The following QSER1 variants were observed in gnomAD, a reference collection of about 807,000 sequenced individuals.
QSER1 encodes glutamine and serine-rich protein 1.
In QSER1, 49 loss-of-function variants were observed where a neutral mutation model predicts 158.5. The ratio of observed to expected loss-of-function variants is 0.31; its 90% CI spans 0.25 to 0.39. The LOEUF (loss-of-function observed/expected upper bound fraction) is 0.39. QSER1 is among the 10% of genes least tolerant of loss of function. The pLI, the probability that QSER1 is intolerant of heterozygous loss-of-function variation, is 1.00. For missense variants in QSER1, 1,754 were observed against 2,010.3 expected, an observed-to-expected ratio of 0.87 and a Z score of 2.44; for synonymous variants, 650 against 715.5, an observed-to-expected ratio of 0.91 and a Z score of 1.46.
At chr11:32,959,595 T>G (rs1852585387) in intron 8 of QSER1, among the ~76,000 whole-genome samples, 1 of 152,160 alleles carries the variant, frequency 6.6e-6, no homozygotes, top group Non-Finnish European at 1.5e-5. Flanking sequence ...TTGGCAGAAC[T>G]TGAATGGTGA....
intron 1 of QSER1, among the ~76,000 whole-genome samples, chr11:32,894,001 A>G (rs940365558): frequency 3.9e-5 from 6 of 151,992 alleles, no homozygotes; most frequent in Non-Finnish European, 8.8e-5. Flanking sequence ...CTCCCCTTTT[A>G]ACAACAGCAG....
Position 32,917,215 on chromosome 11 carries a change from A to G in QSER1, c.210-9942A>G, listed in dbSNP as rs550972068. 6.6e-4 allele frequency among the ~76,000 whole-genome samples: 101 copies of G among 152,340 alleles called. 3 individuals are homozygous for G. In the South Asian group the frequency reaches 0.02, roughly 31 times the overall value. On this transcript the variant is annotated intron_variant, in intron 1 of 12. Coordinates refer to ENST00000650167, the MANE Select transcript of QSER1 (RefSeq NM_001076786.3). The stretch of plus-strand genomic sequence containing the variant: ...TTGTGCCTCTTCGTGGGTGAATAGT[A>G]TTCCTTTGTTTGACTACATCACGTT...
intron 1 of QSER1, among the ~76,000 whole-genome samples, chr11:32,904,799 CA>C (rs1407735180): frequency 6.6e-6 from 1 of 152,114 alleles, no homozygotes; most frequent in African/African-American, 2.4e-5. Context: ...CTAGTACCCT[CA>C]AAAGAATGGT....
intron 8 of QSER1, among the ~76,000 whole-genome samples, chr11:32,960,346 C>G (rs1852600570): frequency 6.6e-6 from 1 of 152,116 alleles, no homozygotes; most frequent in South Asian, 2.1e-4. Context: ...CGCCTGATGT[C>G]AGGAGTTTGA....
At chr11:32,950,007 T>G (rs545360805) in intron 4 of QSER1, among the ~76,000 whole-genome samples, 1 of 152,330 alleles carries the variant, frequency 6.6e-6, no homozygotes, top group East Asian at 1.9e-4. Flanking sequence ...ATTCACTCTC[T>G]TCAGAGTACA....
chr11:32,965,392 G>C (rs186190361), intron 8 of QSER1, among the ~76,000 whole-genome samples: 195 of 152,152 alleles, frequency 1.3e-3, no homozygotes, highest in Middle Eastern at 3.4e-3. Flanking sequence ...TGGGATTACA[G>C]GCACGTGCCA....
At chr11:32,902,540 C>G (rs763668738) in intron 1 of QSER1, among the ~76,000 whole-genome samples, 11 of 152,218 alleles carry the variant, frequency 7.2e-5, no homozygotes, top group Non-Finnish European at 1.5e-4. Flanking sequence ...CTTCCTTGAG[C>G]ACCAGATCTA....
At chr11:32,903,458 A>G (rs899418699) in intron 1 of QSER1, among the ~76,000 whole-genome samples, 4 of 150,922 alleles carry the variant, frequency 2.7e-5, no homozygotes, top group African/African-American at 9.8e-5. Context: ...ATGTGGATGG[A>G]GGAGGCGTTG....
intron 8 of QSER1, among the ~76,000 whole-genome samples, chr11:32,958,626 C>T (rs1294411919): frequency 1.3e-5 from 2 of 152,150 alleles, no homozygotes; most frequent in Non-Finnish European, 2.9e-5. Flanking sequence ...AAGCAGTCCT[C>T]CTGCCTTAGC....
chr11:32,898,786 C>T (rs1187171389), intron 1 of QSER1, among the ~76,000 whole-genome samples: 2 of 152,180 alleles, frequency 1.3e-5, no homozygotes, highest in Non-Finnish European at 2.9e-5. Context: ...GTTGACCAGG[C>T]TGGTCGGGAA....
rs1369404331 is a variant in QSER1 at position 32,932,860 on chromosome 11, T to C, written c.1602T>C (p.Val534=). ...SSNQQEVLSS[V]TNENYPAQTR... is the part of the protein sequence containing the mutation. ...ATCAGCAAGAGGTATTGTCTTCAGT[T>C]ACAAATGAGAATTACCCTGCTCAAA... The change falls in exon 4 of 13, where the codon GTT becomes GTC. Residue 534 remains valine, a synonymous_variant. Coordinates refer to ENST00000650167, the MANE Select transcript of QSER1 (RefSeq NM_001076786.3). 5 of 1,613,984 alleles carry C rather than the reference T, an allele frequency of 3.1e-6. No individual in the cohort carries two copies. The highest frequency in any genetic ancestry group is 1.6e-4 in the Middle Eastern group (1 of 6,084).
In QSER1 at chr11:32,953,861, C is replaced by T; in HGVS notation, c.4182C>T (p.Ala1394=). Reference sequence around the variant, plus strand: ...ATTTGCTTGGTTTTGTTTCAGAAGCCCTACAGGTGGCAACTACTAGCCCAA... The same window carrying T: ...ATTTGCTTGGTTTTGTTTCAGAAGCTCTACAGGTGGCAACTACTAGCCCAA... ...ATSDKKKKTE[A]LQVATTSPTA... is the part of the protein sequence containing the mutation. The change falls in exon 5 of 13, where the codon GCC becomes GCT. Residue 1394 remains alanine, a synonymous_variant. Coordinates refer to ENST00000650167, the MANE Select transcript of QSER1 (RefSeq NM_001076786.3). 1.2e-6 allele frequency: 2 copies of T among 1,608,714 alleles called. No homozygotes were observed. The highest frequency in any genetic ancestry group is 1.7e-6 in the Non-Finnish European group (2 of 1,176,694).
intron 8 of QSER1, among the ~76,000 whole-genome samples, chr11:32,964,185 G>A (rs1411613133): frequency 6.6e-6 from 1 of 151,470 alleles, no homozygotes; most frequent in African/African-American, 2.4e-5. Context: ...ATATTGCCTG[G>A]GCTGGTCTTG....
chr11:32,950,705 A>C (rs2133577421), intron 4 of QSER1, among the ~76,000 whole-genome samples: 1 of 152,334 alleles, frequency 6.6e-6, no homozygotes, highest in South Asian at 2.1e-4. Context: ...GCTATAGGCA[A>C]CCACAAATCT....
rs1334527770 is a variant in QSER1, at chr11:32,892,843, GGCCGCCGCCGCCGCCGCCGTC to G, written c.-277_-257del. Among the ~76,000 whole-genome samples the G allele has an allele frequency of 4.8e-5, 7 of 144,782 alleles. No homozygotes were observed. In the East Asian group the frequency reaches 1.5e-3, roughly 31 times the overall value. The allele number at this position is 144,782 out of a possible 152,430, so 95.0% of individuals were successfully genotyped here. ...GAAATCCACCAACATGGGGCGCAGC[GGCCGCCGCCGCCGCCGCCGTC>G]GCCGCGAGTCCCGGCCGCGGGTGCC... On this transcript the variant is annotated 5_prime_UTR_variant, in exon 1 of 13. Transcript: ENST00000650167.
At chr11:32,943,928 A>G (rs1465318839) in intron 4 of QSER1, among the ~76,000 whole-genome samples, 2 of 150,850 alleles carry the variant, frequency 1.3e-5, no homozygotes, top group Non-Finnish European at 3.0e-5. Flanking sequence ...TTATTGGTCT[A>G]TTCAGAGATT....
At chr11:32,962,597 A>G (rs1476349519) in intron 8 of QSER1, among the ~76,000 whole-genome samples, 2 of 152,170 alleles carry the variant, frequency 1.3e-5, no homozygotes, top group Admixed American at 6.5e-5. Flanking sequence ...ATCCAAGGAC[A>G]TATTTACTCC....
Position 32,979,174 on chromosome 11 carries a change from A to G in QSER1, c.*2700A>G, listed in dbSNP as rs1418382336. ...TCTTTGAAAAGTTGTAATGCGGCGC[A>G]TGACTATAAATACCTAGCTGGTTAG... On this transcript the variant is annotated 3_prime_UTR_variant, in exon 13 of 13. Transcript: ENST00000650167. 1 of 152,668 alleles carries G rather than the reference A, an allele frequency of 6.6e-6. No homozygotes were observed. Among genetic ancestry groups the G allele is most frequent in the Non-Finnish European group, 1.5e-5 (1 of 68,032 alleles). The allele number at this position is 152,668 out of a possible 1,614,324, so 9.5% of individuals were successfully genotyped here. A position where few individuals can be genotyped will look rare whatever the true frequency, so the allele number is the denominator to read the frequency against.
At chr11:32,936,508 A>G (rs1468002737) in intron 4 of QSER1, among the ~76,000 whole-genome samples, 2 of 152,184 alleles carry the variant, frequency 1.3e-5, no homozygotes, top group Non-Finnish European at 2.9e-5. Flanking sequence ...GGTATTTTCT[A>G]TTGTAAGAAA....
Sources: gnomAD v4.1 joint callset for allele counts (sites outside exome capture counted in the v4.1 genomes callset) on GRCh38, gnomAD v4.1.1 for gene constraint, MANE v1.5 for transcripts, NCBI Gene and HGNC (gene_info 2026-07-23, HGNC 2026-07-21) for gene names.